The following ATP11A variants were observed in gnomAD, a reference collection of about 807,000 sequenced individuals.
ATP11A encodes ATPase phospholipid transporting 11A.
ATP11A carries 81 observed loss-of-function variants against 154.4 expected under a neutral mutation model. That is an observed-to-expected ratio of 0.52 (90% confidence interval 0.44 to 0.63). ATP11A has a LOEUF of 0.63. Among genes scored for constraint, ATP11A ranks in the 30% least tolerant of loss-of-function variants. The pLI, the probability that ATP11A is intolerant of heterozygous loss-of-function variation, is 0.00. For missense variants in ATP11A, 1,316 were observed against 1,474.3 expected, an observed-to-expected ratio of 0.89 and a Z score of 1.76; for synonymous variants, 623 against 585.9, an observed-to-expected ratio of 1.06 and a Z score of -0.91.
intron 25 of ATP11A, among the ~76,000 whole-genome samples, chr13:112,864,111 C>G (rs372656567): frequency 9.5e-5 from 8 of 84,640 alleles, no homozygotes; most frequent in East Asian, 4.3e-4. Flanking sequence ...TCACCACCTG[C>G]GCAGTAATTC....
intron 1 of ATP11A, among the ~76,000 whole-genome samples, chr13:112,718,651 G>A (rs1244410793): frequency 6.7e-6 from 1 of 149,932 alleles, no homozygotes; most frequent in Non-Finnish European, 1.5e-5. Flanking sequence ...AGTCGGACCA[G>A]GGTGGGCTTG....
chr13:112,824,287 C>A, intron 9 of ATP11A, 57 bp from the exon 10 acceptor site: 2 of 1,370,212 alleles, frequency 1.5e-6, no homozygotes, highest in Non-Finnish European at 2.1e-6. Context: ...GTGTAACTCA[C>A]CATAAGGCAA....
chr13:112,853,990 C>T (rs1303043432), intron 18 of ATP11A, among the ~76,000 whole-genome samples: 3 of 152,138 alleles, frequency 2.0e-5, no homozygotes, highest in African/African-American at 7.2e-5. Context: ...CACACAAAAC[C>T]GCCAGGCTTG....
rs1038029249 is a variant in ATP11A, at chr13:112,690,487, G to A, written c.39+32G>A. The A allele has an allele frequency of 7.6e-6, 10 of 1,319,008 alleles. No homozygotes were observed. The African/African-American group carries it at 9.0e-5, about 12-fold the overall frequency. 81.7% of individuals were successfully genotyped at this position (1,319,008 alleles called of 1,614,324 possible). On this transcript the variant is annotated intron_variant, in intron 1 of 29. Transcript: ENST00000375645. This position sits in a 1 kb window ranked among gnomAD's most constrained non-coding sequence, Gnocchi z 5.6. ...GCTCCCGGCGCGGGCTGGGGGACCC[G>A]GGGACCAGACAGACGCGGGCCGGCC...
At chr13:112,879,726 C>T (rs542049774) in intron 29 of ATP11A, among the ~76,000 whole-genome samples, 11 of 152,214 alleles carry the variant, frequency 7.2e-5, no homozygotes, top group East Asian at 1.9e-4. Context: ...CACGCCGTGG[C>T]GCCGAGACCA....
At position 112,807,584 on chromosome 13, in the gene ATP11A, G is replaced by A. The variant is rs1043490167; in HGVS notation, c.333+1291G>A. On this transcript the variant is annotated intron_variant, in intron 4 of 29. Transcript: ENST00000375645. This position sits in a 1 kb window ranked among gnomAD's most constrained non-coding sequence, Gnocchi z 4.5. ...CTGGGATAAGGCCTCACTTCATGTC[G>A]GTGGCAGGCTCTTGCAAACTTCAAC... 3.9e-5 allele frequency among the ~76,000 whole-genome samples: 6 copies of A among 152,156 alleles called. No homozygotes were observed. The highest frequency in any genetic ancestry group is 1.9e-4 in the East Asian group (1 of 5,192).
chr13:112,823,326 G>C lies in ATP11A; in HGVS notation c.726-19G>C. ...TTGCCTTCGTGTCCGCATCATTTCT[G>C]ATCATCGTATCTTTACAGGCCCTTA... is the stretch of plus-strand genomic sequence containing the variant. On this transcript the variant is annotated intron_variant, in intron 8 of 29. Coordinates refer to ENST00000375645, the MANE Select transcript of ATP11A (RefSeq NM_015205.3). 1 of 1,610,700 alleles carries C rather than the reference G, an allele frequency of 6.2e-7. No individual in the cohort carries two copies. Among genetic ancestry groups the C allele is most frequent in the Non-Finnish European group, 8.5e-7 (1 of 1,177,280 alleles).
At chr13:112,743,982 G>A (rs1891832025) in intron 1 of ATP11A, among the ~76,000 whole-genome samples, 1 of 152,246 alleles carries the variant, frequency 6.6e-6, no homozygotes, top group East Asian at 1.9e-4. Context: ...GGTTAAGCCA[G>A]TTTTCAGGTT....
At position 112,885,235 on chromosome 13, in the gene ATP11A, TACAC is replaced by T. The variant is rs72007310; in HGVS notation, c.*3373_*3376del. 0.23 allele frequency: 35,059 copies of T among 152,140 alleles called. 4,286 individuals carry two copies. The highest frequency in any genetic ancestry group is 0.28 in the Admixed American group (4,276 of 15,280). The allele number at this position is 152,140 out of a possible 1,614,324, so 9.4% of individuals were successfully genotyped here. A position where few individuals can be genotyped will look rare whatever the true frequency, so the allele number is the denominator to read the frequency against. ...TAAGTTCCTACACACGGACGTGTGA[TACAC>T]ACATGCATGTACAGGTAAGCACACA... On this transcript the variant is annotated 3_prime_UTR_variant, in exon 30 of 30. Coordinates refer to ENST00000375645, the MANE Select transcript of ATP11A (RefSeq NM_015205.3).
At chr13:112,732,783 T>C (rs1890625597) in intron 1 of ATP11A, among the ~76,000 whole-genome samples, 1 of 152,184 alleles carries the variant, frequency 6.6e-6, no homozygotes, top group Non-Finnish European at 1.5e-5. Context: ...GGCTAGTTTT[T>C]ATATTTTTTT....
At chr13:112,818,280 G>A (rs2078702286) in intron 6 of ATP11A, among the ~76,000 whole-genome samples, 2 of 149,418 alleles carry the variant, frequency 1.3e-5, no homozygotes, top group South Asian at 2.1e-4. Context: ...CCGTTGGTGC[G>A]CTTGGTGACA....
chr13:112,836,060 C>G (rs982184312), intron 15 of ATP11A, 118 bp from the exon 16 acceptor site: 1 of 642,304 alleles, frequency 1.6e-6, no homozygotes, highest in East Asian at 2.7e-5. Flanking sequence ...CTCTGTGTGT[C>G]CCCTGAGGAA....
chr13:112,829,773 T>C (rs2079038824), intron 12 of ATP11A, among the ~76,000 whole-genome samples: 1 of 152,190 alleles, frequency 6.6e-6, no homozygotes, highest in South Asian at 2.1e-4. Context: ...GATGACACAA[T>C]CTTATATATA....
At position 112,883,969 on chromosome 13, in the gene ATP11A, A is replaced by G. The variant is rs985539812; in HGVS notation, c.*2103A>G. 1.3e-5 allele frequency: 2 copies of G among 152,580 alleles called. No homozygotes were observed. The highest frequency in any genetic ancestry group is 2.9e-5 in the Non-Finnish European group (2 of 68,030). The allele number at this position is 152,580 out of a possible 1,614,324, so 9.5% of individuals were successfully genotyped here. On this transcript the variant is annotated 3_prime_UTR_variant, in exon 30 of 30. Coordinates refer to ENST00000375645, the MANE Select transcript of ATP11A (RefSeq NM_015205.3). ...ATTGCCTTTGCACTGAAGTATTTTC[A>G]TAGCTGTTTATATCTCTTTTATTCA...
chr13:112,741,997 G>T (rs1407193171), intron 1 of ATP11A, among the ~76,000 whole-genome samples: 2 of 151,480 alleles, frequency 1.3e-5, no homozygotes, highest in Non-Finnish European at 2.9e-5. Context: ...CCACAGAAGA[G>T]TGGTCCCCCT....
chr13:112,834,503 G>A (rs537642125), intron 14 of ATP11A, 86 bp from the exon 15 acceptor site: 16 of 850,516 alleles, frequency 1.9e-5, no homozygotes, highest in African/African-American at 8.5e-5. Context: ...TGAAAAGAAC[G>A]CTTTACCAAA....
At chr13:112,717,802 C>T (rs1335995930) in intron 1 of ATP11A, 1 of 152,256 alleles carries the variant, frequency 6.6e-6, no homozygotes, top group Admixed American at 6.5e-5. Context: ...CGTGGCCAGG[C>T]ACGGCGGCTC....
intron 1 of ATP11A, among the ~76,000 whole-genome samples, chr13:112,731,506 C>T (rs943073216): frequency 3.3e-5 from 5 of 152,120 alleles, no homozygotes; most frequent in African/African-American, 9.7e-5. Context: ...ATCAATTGCA[C>T]GGCACTCACT....
intron 13 of ATP11A, 58 bp downstream of exon 13, chr13:112,831,606 T>C: frequency 6.4e-7 from 1 of 1,573,282 alleles, no homozygotes; most frequent in Non-Finnish European, 8.7e-7. Flanking sequence ...CTGTGCATGC[T>C]GAGTCCACCC....
Sources: gnomAD v4.1 joint callset for allele counts (sites outside exome capture counted in the v4.1 genomes callset) on GRCh38, gnomAD v4.1.1 for gene constraint, Gnocchi (gnomAD v3.1) non-coding constraint, MANE v1.5 for transcripts, NCBI Gene and HGNC (gene_info 2026-07-23, HGNC 2026-07-21) for gene names.